The following ARHGAP15 variants were observed in gnomAD, a reference collection of about 807,000 sequenced individuals.
ARHGAP15 encodes Rho GTPase activating protein 15.
In ARHGAP15, 51 loss-of-function variants were observed where a neutral mutation model predicts 63.7. That is an observed-to-expected ratio of 0.80 (90% CI 0.64 to 1.01). The LOEUF (loss-of-function observed/expected upper bound fraction) is 1.01, where lower values mean the gene tolerates loss of function less well. ARHGAP15 is among the 50% of genes least tolerant of loss of function. The pLI, the probability that ARHGAP15 is intolerant of heterozygous loss-of-function variation, is 0.00. For synonymous variants in ARHGAP15, 191 were observed against 193.8 expected (o/e 0.99, Z 0.12); for missense variants, 560 against 564.6 (o/e 0.99, Z 0.08).
intron 12 of ARHGAP15, among the ~76,000 whole-genome samples, chr2:143,662,453 A>G (rs1681871590): frequency 6.9e-6 from 1 of 144,634 alleles, no homozygotes; most frequent in Admixed American, 7.1e-5. Flanking sequence ...AGATAAAACC[A>G]CAAAGATGGG....
chr2:143,262,300 A>T (rs1202942423), intron 6 of ARHGAP15, among the ~76,000 whole-genome samples: 1 of 152,156 alleles, frequency 6.6e-6, no homozygotes, highest in African/African-American at 2.4e-5. Context: ...CTTCAAAATG[A>T]TGGCTGGCCT....
chr2:143,662,250 C>A (rs942618716), intron 12 of ARHGAP15, among the ~76,000 whole-genome samples: 22 of 151,696 alleles, frequency 1.5e-4, no homozygotes, highest in East Asian at 1.4e-3. Flanking sequence ...TCAAGTGGGT[C>A]CCTGACCCCT....
chr2:143,177,707 C>G (rs912581515), intron 2 of ARHGAP15, among the ~76,000 whole-genome samples: 2 of 152,092 alleles, frequency 1.3e-5, no homozygotes, highest in African/African-American at 4.8e-5. Flanking sequence ...TTTTTTCACT[C>G]TGATTTTTAT....
At chr2:143,665,036 A>G (rs1170489767) in intron 12 of ARHGAP15, among the ~76,000 whole-genome samples, 1 of 152,116 alleles carries the variant, frequency 6.6e-6, no homozygotes, top group African/African-American at 2.4e-5. Context: ...CAATCAATAG[A>G]AAAAGAGAGA....
Position 143,134,879 on chromosome 2 carries a change from T to C in ARHGAP15, c.-15+5413T>C, listed in dbSNP as rs548662793. 2.0e-5 allele frequency among the ~76,000 whole-genome samples: 3 copies of C among 152,160 alleles called. 1 individual carries two copies. The highest frequency in any genetic ancestry group is 4.8e-5 in the African/African-American group (2 of 41,528). ...GTGTCGATCTCCTGACCTCGTGATC[T>C]GCCCACCTTGACCTCCCAAAGTGCT... On this transcript the variant is annotated intron_variant, in intron 1 of 13. Coordinates refer to ENST00000295095, the MANE Select transcript of ARHGAP15 (RefSeq NM_018460.4).
intron 6 of ARHGAP15, among the ~76,000 whole-genome samples, chr2:143,298,586 A>G (rs1682754022): frequency 6.6e-6 from 1 of 152,000 alleles, no homozygotes. Flanking sequence ...ATCTCATTTG[A>G]GCAAATCCAC....
chr2:143,316,051 A>G (rs1307653417), intron 6 of ARHGAP15, among the ~76,000 whole-genome samples: 1 of 152,092 alleles, frequency 6.6e-6, no homozygotes, highest in Non-Finnish European at 1.5e-5. Context: ...GCACCATTGC[A>G]CTCCATCCTG....
chr2:143,584,486 C>A (rs1329566247), intron 11 of ARHGAP15, among the ~76,000 whole-genome samples: 1 of 151,844 alleles, frequency 6.6e-6, no homozygotes, highest in East Asian at 1.9e-4. Context: ...ATTAGCTGGG[C>A]GTGGTGGCAG....
chr2:143,586,505 G>T (rs980043676), intron 11 of ARHGAP15, among the ~76,000 whole-genome samples: 4 of 151,276 alleles, frequency 2.6e-5, no homozygotes, highest in African/African-American at 4.9e-5. Context: ...ATTTCTTCTA[G>T]TTTGTATACC....
chr2:143,584,627 AAAC>A (rs199974019), intron 11 of ARHGAP15, among the ~76,000 whole-genome samples: 4 of 152,122 alleles, frequency 2.6e-5, no homozygotes, highest in East Asian at 3.9e-4. Flanking sequence ...CTCTGTCAAA[AAAC>A]AACAACAACA....
At chr2:143,176,133 A>T (rs185680394) in intron 2 of ARHGAP15, among the ~76,000 whole-genome samples, 30 of 152,270 alleles carry the variant, frequency 2.0e-4, no homozygotes, top group African/African-American at 7.2e-4. Context: ...TGAGGAAGAG[A>T]GATGACTTAA....
chr2:143,586,057 T>G (rs1697096391), intron 11 of ARHGAP15, among the ~76,000 whole-genome samples: 1 of 152,280 alleles, frequency 6.6e-6, no homozygotes, highest in South Asian at 2.1e-4. Flanking sequence ...ATAATATATC[T>G]ATATTTAAAT....
chr2:143,337,502 A>T lies in ARHGAP15; in HGVS notation c.474+86902A>T, dbSNP rs189563011. ...TTGCCTACCTAGGTTTCTGCATTAC[A>T]TTCAGGAAAGAGCTACTTAAATGGA... On this transcript the variant is annotated intron_variant, in intron 6 of 13. Coordinates refer to ENST00000295095, the MANE Select transcript of ARHGAP15 (RefSeq NM_018460.4). Among the ~76,000 whole-genome samples, 57 of 152,250 alleles carry T rather than the reference A, an allele frequency of 3.7e-4. No individual in the cohort carries two copies. The East Asian group carries it at 8.1e-3, about 22-fold the overall frequency.
intron 2 of ARHGAP15, among the ~76,000 whole-genome samples, chr2:143,164,107 C>T (rs1040675224): frequency 3.3e-5 from 5 of 151,948 alleles, no homozygotes; most frequent in African/African-American, 1.2e-4. Context: ...GTGTGCAAGG[C>T]TTTTAATAAG....
chr2:143,181,537 C>G (rs1286250104), intron 2 of ARHGAP15, among the ~76,000 whole-genome samples: 1 of 152,236 alleles, frequency 6.6e-6, no homozygotes, highest in Non-Finnish European at 1.5e-5. Flanking sequence ...TCTACAACAG[C>G]ACTTTCAGCT....
chr2:143,372,297 G>A (rs1392813603), intron 6 of ARHGAP15, among the ~76,000 whole-genome samples: 1 of 147,780 alleles, frequency 6.8e-6, no homozygotes, highest in Non-Finnish European at 1.5e-5. Flanking sequence ...GAGCCGTGAT[G>A]GTGTCTCTGC....
intron 5 of ARHGAP15, among the ~76,000 whole-genome samples, chr2:143,246,711 A>G (rs945190346): frequency 7.2e-5 from 11 of 151,990 alleles, no homozygotes; most frequent in African/African-American, 2.7e-4. Flanking sequence ...AATCAGGAAT[A>G]TAGGACCTGA....
intron 6 of ARHGAP15, among the ~76,000 whole-genome samples, chr2:143,340,321 A>C (rs1185468717): frequency 6.6e-6 from 1 of 152,158 alleles, no homozygotes; most frequent in Non-Finnish European, 1.5e-5. Context: ...GAAGAAAAAA[A>C]GGCCTGTGGG....
intron 6 of ARHGAP15, among the ~76,000 whole-genome samples, chr2:143,321,982 T>C (rs1425972245): frequency 1.3e-5 from 2 of 152,220 alleles, no homozygotes; most frequent in African/African-American, 4.8e-5. Flanking sequence ...ATAACCTCCG[T>C]AAGTAGATAC....
Sources: gnomAD v4.1 joint callset for allele counts (sites outside exome capture counted in the v4.1 genomes callset) on GRCh38, gnomAD v4.1.1 for gene constraint, MANE v1.5 for transcripts, NCBI Gene and HGNC (gene_info 2026-07-23, HGNC 2026-07-21) for gene names.